Variants in RSRP1 observed in about 807,000 individuals in gnomAD.
RSRP1 encodes arginine/serine-rich protein 1.
A neutral mutation model predicts 33.0 loss-of-function variants in RSRP1; 37 were observed. The observed-to-expected ratio is 1.12, with a 90% CI of 0.86 to 1.48. RSRP1 has a LOEUF of 1.48. Among genes scored for constraint, RSRP1 ranks in the 40% most tolerant of loss-of-function variants. The pLI is 0.00. For missense variants in RSRP1, 402 were observed against 385.3 expected (o/e 1.04, Z -0.36); for synonymous variants, 167 against 158.7 (o/e 1.05, Z -0.40).
chr1:25,281,196 G>A (rs1641464356), intron 1 of RSRP1, among the ~76,000 whole-genome samples: 1 of 131,594 alleles, frequency 7.6e-6, no homozygotes, highest in South Asian at 2.3e-4. Context: ...CTCTGCTGCC[G>A]GCATGTTTGG....
At chr1:25,299,260 T>C (rs1476641636) in intron 1 of RSRP1, among the ~76,000 whole-genome samples, 1 of 128,662 alleles carries the variant, frequency 7.8e-6, no homozygotes, top group African/African-American at 2.7e-5. Flanking sequence ...TGGGTGCCTG[T>C]AATCCCAGCT....
At chr1:25,261,280 C>T (rs538910394) in intron 1 of RSRP1, among the ~76,000 whole-genome samples, 8 of 152,308 alleles carry the variant, frequency 5.3e-5, no homozygotes, top group Admixed American at 4.6e-4. Flanking sequence ...TAGTCATTAA[C>T]GGACAATATA....
rs931522838 is a variant in RSRP1 at position 25,246,678 on chromosome 1, T to G, written c.286A>C (p.Arg96=). Reference sequence around the variant, plus strand: ...TATCTCCTGGTGAACCCGTAGCGCCTCTCTCGGTAACGGCGGCTGCGGGAT... The same window carrying G: ...TATCTCCTGGTGAACCCGTAGCGCCGCTCTCGGTAACGGCGGCTGCGGGAT... ...SRSRSRRYRE[R]RYGFTRRYYR... is the part of the protein sequence containing the mutation. Residue 96 remains arginine, a synonymous_variant, in exon 2 of 5, where the codon AGG becomes CGG. Transcript: ENST00000243189. The G allele has an allele frequency of 3.7e-6, 6 of 1,609,672 alleles. No individual in the cohort carries two copies. In the Admixed American group the frequency reaches 5.0e-5, roughly 13 times the overall value.
chr1:25,295,517 C>G (rs1248902138), intron 1 of RSRP1, among the ~76,000 whole-genome samples: 2 of 100,906 alleles, frequency 2.0e-5, no homozygotes, highest in African/African-American at 6.8e-5. Flanking sequence ...TGGTGGTTAT[C>G]AGGTGCGATG....
chr1:25,260,667 G>A (rs1467416882), intron 1 of RSRP1, among the ~76,000 whole-genome samples: 3 of 152,194 alleles, frequency 2.0e-5, no homozygotes, highest in African/African-American at 7.2e-5. Context: ...TATAGTTCTG[G>A]AGGCTGGAAG....
rs1319803990 is a variant in RSRP1 at position 25,314,388 on chromosome 1, G to C, written c.-67+23590C>G. 2.3e-5 allele frequency among the ~76,000 whole-genome samples: 3 copies of C among 133,126 alleles called. 1 individual carries two copies. The highest frequency in any genetic ancestry group is 3.6e-5 in the Non-Finnish European group (2 of 56,144). The allele number at this position is 133,126 out of a possible 152,430, so 87.3% of individuals were successfully genotyped here. On this transcript the variant is annotated intron_variant, in intron 1 of 1. Coordinates refer to the RSRP1 transcript ENST00000561867. ...CTTTTCTTGTGAAATGTCTATTCAA[G>C]TTAGTTTGCCCATTTTCTATTGTGG...
rs570564436 is a variant in RSRP1 at position 25,277,614 on chromosome 1, G to A, written c.-66-30585C>T. On this transcript the variant is annotated intron_variant, in intron 1 of 1. Coordinates refer to the RSRP1 transcript ENST00000561867. ...CTTCTGTCAGAGGATGATAGTACTT[G>A]TTTCATTAAGTTGTTGAAAGGATAA... Among the ~76,000 whole-genome samples the A allele has an allele frequency of 3.1e-5, 4 of 129,538 alleles. 1 individual carries two copies. The highest frequency in any genetic ancestry group is 3.0e-4 in the Admixed American group (4 of 13,310). 85.0% of individuals were successfully genotyped at this position (129,538 alleles called of 152,430 possible).
chr1:25,244,867 A>G, intron 3 of RSRP1: 1 of 1,126,192 alleles, frequency 8.9e-7, no homozygotes, highest in Non-Finnish European at 1.1e-6. Flanking sequence ...TATTTTTTGT[A>G]AACACGCGGT....
chr1:25,321,453 G>C (rs1644696168), intron 1 of RSRP1, among the ~76,000 whole-genome samples: 1 of 119,330 alleles, frequency 8.4e-6, no homozygotes, highest in African/African-American at 2.8e-5. Context: ...CTGAGGTCGG[G>C]AGTTCGAGAC....
rs539444322 is a variant in RSRP1, at chr1:25,332,698, G to C, written c.-67+5280C>G. ...TAAAGTCCCTGTCCCCATGAAACTT[G>C]TATTCTAATGGAAAAAACAGAAAAC... On this transcript the variant is annotated intron_variant, in intron 1 of 1. Transcript: ENST00000561867. Among the ~76,000 whole-genome samples the C allele has an allele frequency of 2.3e-5, 3 of 132,506 alleles. 1 individual carries two copies. Among genetic ancestry groups the C allele is most frequent in the African/African-American group, 7.7e-5 (3 of 38,820 alleles). 86.9% of individuals were successfully genotyped at this position (132,506 alleles called of 152,430 possible). A position where few individuals can be genotyped will look rare whatever the true frequency, so the allele number is the denominator to read the frequency against.
chr1:25,300,930 C>T (rs1198751270), intron 1 of RSRP1: 1 of 1,377,126 alleles, frequency 7.3e-7, no homozygotes. Flanking sequence ...ACTGCTCTTA[C>T]TGGGTTTTAT....
intron 1 of RSRP1, among the ~76,000 whole-genome samples, chr1:25,309,155 C>A (rs1644007969): frequency 7.6e-6 from 1 of 132,042 alleles, no homozygotes; most frequent in South Asian, 2.3e-4. Context: ...TTCCCAATTT[C>A]CTATTCAGAT....
rs1471288771 is a variant in RSRP1 at position 25,245,297 on chromosome 1, T to A, written c.525A>T (p.Arg175=). 6.2e-7 allele frequency: 1 copy of A among 1,608,448 alleles called. No homozygotes were observed. The highest frequency in any genetic ancestry group is 1.3e-5 in the African/African-American group (1 of 74,620). The change falls in exon 3 of 5, where the codon CGA becomes CGT. Residue 175 remains arginine (R), a synonymous_variant. Transcript: ENST00000243189. ...TTTTTGCTATTTCTAACAGCTCCAT[T>A]CGATCTAAAAAAAAAAGAGAGAGAT... ...RTPFRLSEKD[R]MELLEIAKTN...
rs1487172058 is a variant in RSRP1 at position 25,311,480 on chromosome 1, G to C, written c.-67+26498C>G. Among the ~76,000 whole-genome samples the C allele has an allele frequency of 1.5e-5, 2 of 129,470 alleles. 1 individual carries two copies. The highest frequency in any genetic ancestry group is 3.7e-5 in the Non-Finnish European group (2 of 54,782). 84.9% of individuals were successfully genotyped at this position (129,470 alleles called of 152,430 possible). A position where few individuals can be genotyped will look rare whatever the true frequency, so the allele number is the denominator to read the frequency against. On this transcript the variant is annotated intron_variant, in intron 1 of 1. Transcript: ENST00000561867. ...GCAGAGCTTGCAGTGAGCCAAGATCGCGCCACTGCACTCCAGCCTGGGCGA... is the reference window on the plus strand; with the variant it reads ...GCAGAGCTTGCAGTGAGCCAAGATCCCGCCACTGCACTCCAGCCTGGGCGA...
At chr1:25,301,428 T>A in intron 1 of RSRP1, 1 of 1,156,760 alleles carries the variant, frequency 8.6e-7, no homozygotes, top group Non-Finnish European at 1.3e-6. Context: ...GCTGAGACTC[T>A]CCAGCCCTAG....
intron 1 of RSRP1, among the ~76,000 whole-genome samples, chr1:25,291,475 T>G (rs1274972151): frequency 7.7e-6 from 1 of 129,522 alleles, no homozygotes; most frequent in Non-Finnish European, 1.8e-5. Flanking sequence ...ATCTCAAATT[T>G]AAAATAAAGA....
At chr1:25,263,248 G>A (rs1036439008) in intron 1 of RSRP1, among the ~76,000 whole-genome samples, 6 of 152,050 alleles carry the variant, frequency 3.9e-5, no homozygotes, top group African/African-American at 1.5e-4. Context: ...CTCCTGAGGA[G>A]GTGGCCTGGC....
Position 25,246,680 on chromosome 1 carries a change from T to C in RSRP1, c.284A>G (p.Glu95Gly), listed in dbSNP as rs2124540768. The part of the protein sequence containing the change: ...RSRSRSRRYR[E>G]RRYGFTRRYY... ...TCTCCTGGTGAACCCGTAGCGCCTC[T>C]CTCGGTAACGGCGGCTGCGGGATCG... Residue 95 changes from glutamate (E) to glycine (G), a missense_variant, in exon 2 of 5, where the codon GAG becomes GGG. Transcript: ENST00000243189. 6.2e-7 allele frequency: 1 copy of C among 1,609,946 alleles called. No individual in the cohort carries two copies. The highest frequency in any genetic ancestry group is 8.5e-7 in the Non-Finnish European group (1 of 1,176,676).
intron 1 of RSRP1, among the ~76,000 whole-genome samples, chr1:25,315,145 A>G (rs1644370718): frequency 7.8e-6 from 1 of 128,042 alleles, no homozygotes; most frequent in Admixed American, 7.6e-5. Flanking sequence ...ACACAGCAAG[A>G]CTCCATCTCA....
Sources: gnomAD v4.1 joint callset for allele counts (sites outside exome capture counted in the v4.1 genomes callset) on GRCh38, gnomAD v4.1.1 for gene constraint, MANE v1.5 for transcripts, NCBI Gene and HGNC (gene_info 2026-07-23, HGNC 2026-07-21) for gene names.